PID1: variants seen among roughly 807,000 people sequenced by gnomAD.
PID1 encodes the protein phosphotyrosine interaction domain containing 1.
In PID1, 10 loss-of-function variants were observed where a neutral mutation model predicts 19.1. That is an observed-to-expected ratio of 0.52 (90% CI 0.32 to 0.89). The LOEUF is 0.89. Among genes scored for constraint, PID1 ranks in the 40% least tolerant of loss-of-function variants. PID1 has a pLI of 0.03. For missense variants in PID1, 248 were observed against 285.3 expected (o/e 0.87, Z 0.94); for synonymous variants, 130 against 116.0 (o/e 1.12, Z -0.78).
intron 1 of PID1, among the ~76,000 whole-genome samples, chr2:229,264,777 A>G (rs4321351): frequency 0.22 from 33,526 of 152,158 alleles, 4,341 homozygotes; most frequent in Non-Finnish European, 0.29. Flanking sequence ...AACTTTGAAC[A>G]ATAAGGAATA....
intron 2 of PID1, among the ~76,000 whole-genome samples, chr2:229,030,655 C>G (rs1269720254): frequency 1.3e-5 from 2 of 151,952 alleles, no homozygotes; most frequent in African/African-American, 4.8e-5. Flanking sequence ...TTTAAAAATA[C>G]TTCTAAAAAA....
chr2:229,168,077 T>C (rs1379743367), intron 1 of PID1, among the ~76,000 whole-genome samples: 1 of 152,212 alleles, frequency 6.6e-6, no homozygotes, highest in Non-Finnish European at 1.5e-5. Context: ...TGTTTGTGAC[T>C]GCTTTTAAGA....
chr2:229,141,156 A>G (rs993470779), intron 2 of PID1, among the ~76,000 whole-genome samples: 1 of 152,094 alleles, frequency 6.6e-6, no homozygotes, highest in African/African-American at 2.4e-5. Flanking sequence ...TGGCATAGTA[A>G]CTATGAAGAC....
intron 1 of PID1, among the ~76,000 whole-genome samples, chr2:229,225,270 G>A (rs1351047631): frequency 6.6e-6 from 1 of 152,098 alleles, no homozygotes. Flanking sequence ...TAGCTAATGT[G>A]TACGGAAGTA....
At chr2:229,125,189 C>T (rs555869722) in intron 2 of PID1, among the ~76,000 whole-genome samples, 122 of 152,178 alleles carry the variant, frequency 8.0e-4, no homozygotes, top group Non-Finnish European at 1.4e-3. Context: ...ATGTGTGGGC[C>T]TCCATGGTTT....
Position 229,024,085 on chromosome 2 carries a change from G to A in PID1, c.*1547C>T, listed in dbSNP as rs1693357751. On this transcript the variant is annotated 3_prime_UTR_variant, in exon 3 of 3. Transcript: ENST00000392055. ...AAAGCAACAAGCATATCTTCAAGAA[G>A]TGAGTCCTCCTCAATATGACTCCAT... The A allele has an allele frequency of 6.6e-6, 1 of 152,612 alleles. No individual in the cohort carries two copies. Among genetic ancestry groups the A allele is most frequent in the South Asian group, 2.1e-4 (1 of 4,838 alleles). The allele number at this position is 152,612 out of a possible 1,614,324, so 9.5% of individuals were successfully genotyped here.
intron 1 of PID1, among the ~76,000 whole-genome samples, chr2:229,258,198 G>A (rs559250745): frequency 3.9e-5 from 6 of 152,316 alleles, no homozygotes; most frequent in African/African-American, 1.4e-4. Context: ...TGAACTAGGA[G>A]CATGAACGAG....
In PID1 at chr2:229,024,465, T is replaced by C. The variant is rs1693366646; in HGVS notation, c.*1167A>G. On this transcript the variant is annotated 3_prime_UTR_variant, in exon 3 of 3. Coordinates refer to ENST00000392055, the MANE Select transcript of PID1 (RefSeq NM_001100818.2). The stretch of plus-strand genomic sequence containing the variant: ...GGATTGTTTTAGTGAGAACTTCCCA[T>C]TCAAAATAAAAAAAAAGGGCAATTC... The C allele has an allele frequency of 6.6e-6, 1 of 152,324 alleles. No individual in the cohort carries two copies. Among genetic ancestry groups the C allele is most frequent in the Non-Finnish European group, 1.5e-5 (1 of 68,016 alleles). The allele number at this position is 152,324 out of a possible 1,614,324, so 9.4% of individuals were successfully genotyped here.
intron 2 of PID1, among the ~76,000 whole-genome samples, chr2:229,121,498 T>C (rs1341017848): frequency 6.6e-6 from 1 of 152,224 alleles, no homozygotes; most frequent in African/African-American, 2.4e-5. Context: ...CCTTCGTGAC[T>C]TGGGACCTCA....
At chr2:229,114,033 C>T (rs1018237648) in intron 2 of PID1, among the ~76,000 whole-genome samples, 11 of 152,156 alleles carry the variant, frequency 7.2e-5, no homozygotes, top group South Asian at 4.1e-4. Context: ...AGAAGTAATG[C>T]GTCAACATTA....
At chr2:229,143,069 CATCATTCTCA>C (rs2106182758) in intron 2 of PID1, among the ~76,000 whole-genome samples, 1 of 148,430 alleles carries the variant, frequency 6.7e-6, no homozygotes, top group South Asian at 2.3e-4. Context: ...AATTGGAAAT[CATCATTCTCA>C]GTAAACTATC....
At chr2:229,088,555 G>A (rs949722946) in intron 2 of PID1, among the ~76,000 whole-genome samples, 1 of 152,120 alleles carries the variant, frequency 6.6e-6, no homozygotes, top group Non-Finnish European at 1.5e-5. Context: ...TTCACAATAA[G>A]AAATACTCTT....
chr2:229,139,606 G>A (rs6752644), intron 2 of PID1, among the ~76,000 whole-genome samples: 1,831 of 152,214 alleles, frequency 0.012, 35 homozygotes, highest in African/African-American at 0.042. Flanking sequence ...TTTCTACAAA[G>A]AAATCTTGAT....
rs1407088716 is a variant in PID1, at chr2:229,215,582, C to T, written c.30+55432G>A. On this transcript the variant is annotated intron_variant, in intron 1 of 2. Transcript: ENST00000392055. ...CAGTGACCAAGCAGGTGCACCTGGG[C>T]GTTCCTACACTCAACTGAGCACTCA... 2.0e-5 allele frequency among the ~76,000 whole-genome samples: 3 copies of T among 152,218 alleles called. No individual in the cohort carries two copies. In the East Asian group the frequency reaches 5.8e-4, roughly 29 times the overall value.
intron 2 of PID1, among the ~76,000 whole-genome samples, chr2:229,044,960 T>C (rs1441010136): frequency 6.6e-6 from 1 of 152,002 alleles, no homozygotes; most frequent in Non-Finnish European, 1.5e-5. Context: ...AAATTCAGGG[T>C]AGTTTTTTTT....
chr2:229,060,136 T>C (rs1694182667), intron 2 of PID1, among the ~76,000 whole-genome samples: 1 of 152,178 alleles, frequency 6.6e-6, no homozygotes, highest in South Asian at 2.1e-4. Flanking sequence ...TGAAAATATT[T>C]AAAGTCTACT....
intron 1 of PID1, chr2:229,232,078 CT>C: frequency 6.6e-7 from 1 of 1,511,188 alleles, no homozygotes; most frequent in East Asian, 2.5e-5. Flanking sequence ...TTGTACAAGG[CT>C]TTTCATTCCA....
At chr2:229,259,025 C>T (rs1404720097) in intron 1 of PID1, among the ~76,000 whole-genome samples, 1 of 151,554 alleles carries the variant, frequency 6.6e-6, no homozygotes, top group Non-Finnish European at 1.5e-5. Context: ...TCCTGTTTTT[C>T]CACATTCTCA....
intron 1 of PID1, among the ~76,000 whole-genome samples, chr2:229,176,938 C>T (rs1193377497): frequency 6.6e-6 from 1 of 152,166 alleles, no homozygotes; most frequent in Non-Finnish European, 1.5e-5. Flanking sequence ...TGCTGATAGA[C>T]ATACCCAAGA....
Sources: gnomAD v4.1 joint callset for allele counts (sites outside exome capture counted in the v4.1 genomes callset) on GRCh38, gnomAD v4.1.1 for gene constraint, MANE v1.5 for transcripts, NCBI Gene and HGNC (gene_info 2026-07-23, HGNC 2026-07-21) for gene names.